The following HPSE2 variants were observed in gnomAD, a reference collection of about 807,000 sequenced individuals.
HPSE2 encodes heparanase 2 (inactive).
A neutral mutation model predicts 60.5 loss-of-function variants in HPSE2; 38 were observed. That is an observed-to-expected ratio of 0.63 (90% CI 0.48 to 0.82). The LOEUF (loss-of-function observed/expected upper bound fraction) is 0.82, where lower values mean the gene tolerates loss of function less well. HPSE2 is among the 40% of genes least tolerant of loss of function. The pLI, the probability that HPSE2 is intolerant of heterozygous loss-of-function variation, is 0.00. For missense variants in HPSE2, 713 were observed against 740.4 expected (o/e 0.96, Z 0.43); for synonymous variants, 295 against 293.2 (o/e 1.01, Z -0.06).
intron 3 of HPSE2, 130 bp downstream of exon 3, chr10:99,144,108 T>C: frequency 2.2e-6 from 2 of 925,764 alleles, no homozygotes; most frequent in East Asian, 2.5e-5. Context: ...ACAAGGAATA[T>C]TTGTAATAGA....
intron 3 of HPSE2, among the ~76,000 whole-genome samples, chr10:99,040,658 A>T (rs938529566): frequency 6.6e-6 from 1 of 150,614 alleles, no homozygotes; most frequent in Admixed American, 6.6e-5. Context: ...ACCCAAAAAT[A>T]AAAAAAACTT....
intron 3 of HPSE2, among the ~76,000 whole-genome samples, chr10:99,022,089 C>T (rs1957276809): frequency 7.3e-6 from 1 of 137,644 alleles, no homozygotes; most frequent in African/African-American, 2.7e-5. Context: ...CTGAAAGAGG[C>T]ACTGAAGAGA....
chr10:98,971,440 AT>A (rs1483821810), intron 3 of HPSE2, among the ~76,000 whole-genome samples: 1 of 152,170 alleles, frequency 6.6e-6, no homozygotes, highest in African/African-American at 2.4e-5. Context: ...ACACATTCAT[AT>A]CCCCATTCAT....
At chr10:99,107,367 C>T (rs1844289598) in intron 3 of HPSE2, among the ~76,000 whole-genome samples, 1 of 152,110 alleles carries the variant, frequency 6.6e-6, no homozygotes, top group African/African-American at 2.4e-5. Context: ...TCTGATACTG[C>T]AATTTTTTGA....
At chr10:98,573,388 T>A (rs896363676) in intron 9 of HPSE2, among the ~76,000 whole-genome samples, 1 of 152,144 alleles carries the variant, frequency 6.6e-6, no homozygotes, top group Non-Finnish European at 1.5e-5. Flanking sequence ...GGCTTGCATA[T>A]AGAACATGTT....
chr10:99,002,262 T>C (rs146044736), intron 3 of HPSE2, among the ~76,000 whole-genome samples: 3 of 152,256 alleles, frequency 2.0e-5, no homozygotes, highest in African/African-American at 7.2e-5. Flanking sequence ...TCATGCAGAA[T>C]ACAAATAATT....
intron 7 of HPSE2, among the ~76,000 whole-genome samples, chr10:98,622,154 A>C (rs898924746): frequency 3.3e-5 from 5 of 152,210 alleles, no homozygotes; most frequent in African/African-American, 1.2e-4. Flanking sequence ...AGCAGTTAAA[A>C]CAATAAAGTC....
chr10:99,163,177 C>T (rs1311718224), intron 2 of HPSE2, among the ~76,000 whole-genome samples: 1 of 150,570 alleles, frequency 6.6e-6, no homozygotes, highest in African/African-American at 2.4e-5. Context: ...CGCCACTGCA[C>T]TCCAGCATGG....
At chr10:98,628,862 A>G (rs1187577368) in intron 7 of HPSE2, among the ~76,000 whole-genome samples, 1 of 152,148 alleles carries the variant, frequency 6.6e-6, no homozygotes, top group Non-Finnish European at 1.5e-5. Flanking sequence ...TAGAGAAAAC[A>G]GCCTGGATTT....
intron 9 of HPSE2, among the ~76,000 whole-genome samples, chr10:98,492,182 G>A (rs191474096): frequency 4.5e-4 from 69 of 152,278 alleles, no homozygotes; most frequent in African/African-American, 1.5e-3. Context: ...TGTGAGACAT[G>A]TTTGTAAGCA....
At chr10:99,041,633 T>C (rs899155386) in intron 3 of HPSE2, among the ~76,000 whole-genome samples, 2 of 152,168 alleles carry the variant, frequency 1.3e-5, no homozygotes, top group Admixed American at 6.5e-5. Context: ...GGCACTCTCA[T>C]GTGCCCTTAG....
chr10:99,191,002 G>T (rs753931795), intron 2 of HPSE2, among the ~76,000 whole-genome samples: 2 of 152,160 alleles, frequency 1.3e-5, no homozygotes, highest in Non-Finnish European at 2.9e-5. Flanking sequence ...CTCACAGCAG[G>T]CCTAGGGTGG....
chr10:99,181,365 T>G (rs1366468363), intron 2 of HPSE2, among the ~76,000 whole-genome samples: 2 of 125,940 alleles, frequency 1.6e-5, no homozygotes, highest in African/African-American at 6.8e-5. Flanking sequence ...GCCACTGCAC[T>G]CCAGCCTGGG....
intron 2 of HPSE2, among the ~76,000 whole-genome samples, chr10:99,210,387 TGAA>T (rs1029655877): frequency 4.6e-5 from 7 of 152,114 alleles, no homozygotes; most frequent in African/African-American, 1.7e-4. Flanking sequence ...TCCAAAAAAT[TGAA>T]GAAGAGGGAA....
chr10:98,673,244 GAC>G (rs1947552061), intron 6 of HPSE2, among the ~76,000 whole-genome samples: 1 of 152,142 alleles, frequency 6.6e-6, no homozygotes, highest in Non-Finnish European at 1.5e-5. Flanking sequence ...GGGATCAAAT[GAC>G]ACTAGAGACA....
At chr10:99,285,067 A>G in the HPSE2 span, among the ~76,000 whole-genome samples, 1 of 152,078 alleles carries the variant, frequency 6.6e-6, no homozygotes, top group African/African-American at 2.4e-5. Context: ...TTTATTTTAG[A>G]ATCAGGGGCA....
chr10:98,603,004 A>G (rs185078538), intron 9 of HPSE2, among the ~76,000 whole-genome samples: 89 of 152,350 alleles, frequency 5.8e-4, no homozygotes, highest in Middle Eastern at 3.4e-3. Context: ...GACAACACAC[A>G]GATTATTGGA....
chr10:99,109,216 A>G lies in HPSE2; in HGVS notation c.610+35022T>C, dbSNP rs191410081. On this transcript the variant is annotated intron_variant, in intron 3 of 11. Transcript: ENST00000370552. Reference sequence around the variant, plus strand: ...AGCATTTTACAATGTAATGGGAAGAACAATGAACTCAAAATCCAAAGTTTA... The same window carrying G: ...AGCATTTTACAATGTAATGGGAAGAGCAATGAACTCAAAATCCAAAGTTTA... 3.3e-3 allele frequency among the ~76,000 whole-genome samples: 508 copies of G among 152,298 alleles called. 2 individuals carry two copies. The highest frequency in any genetic ancestry group is 0.012 in the African/African-American group (486 of 41,566).
chr10:98,985,220 A>G (rs201121676), intron 3 of HPSE2, among the ~76,000 whole-genome samples: 3 of 152,088 alleles, frequency 2.0e-5, no homozygotes, highest in African/African-American at 4.8e-5. Flanking sequence ...TGAAGGAAAA[A>G]ATGTTAAGGG....
Sources: gnomAD v4.1 joint callset for allele counts (sites outside exome capture counted in the v4.1 genomes callset) on GRCh38, gnomAD v4.1.1 for gene constraint, MANE v1.5 for transcripts, NCBI Gene and HGNC (gene_info 2026-07-23, HGNC 2026-07-21) for gene names.